Variants in MGLL observed in about 807,000 individuals in gnomAD.
MGLL encodes monoglyceride lipase.
Under a neutral mutation model 29.1 loss-of-function variants are expected in MGLL, and 7 were observed. That is an observed-to-expected ratio of 0.24 (90% CI 0.14 to 0.45). MGLL has a LOEUF of 0.45. Ranked by LOEUF, MGLL falls within the 20% of genes least tolerant of loss-of-function variation. The pLI, the probability that MGLL is intolerant of heterozygous loss-of-function variation, is 0.99. For synonymous variants in MGLL, 148 were observed against 168.3 expected (o/e 0.88, Z 0.93); for missense variants, 356 against 413.6 (o/e 0.86, Z 1.21).
At position 127,692,287 on chromosome 3, in the gene MGLL, G is replaced by T. The variant is rs1165137047; in HGVS notation, c.853C>A (p.Leu285Ile). The change falls in exon 8 of 8, where the codon CTT (leucine) becomes ATT (isoleucine). Residue 285 changes from leucine to isoleucine, a missense_variant. Transcript: ENST00000265052. ...EGAYHVLHKE[L>I]PEVTNSVFHE... ...AAGACGGAGTTGGTGACTTCAGGAA[G>T]CTCCTTGTGGAGAACATGGTAGGCA... is the stretch of plus-strand genomic sequence containing the variant. The T allele has an allele frequency of 5.0e-6, 8 of 1,613,986 alleles. No individual in the cohort carries two copies. The highest frequency in any genetic ancestry group is 2.7e-5 in the African/African-American group (2 of 75,020).
intron 2 of MGLL, 100 bp from the exon 3 acceptor site, chr3:127,781,995 C>A (rs534184727): frequency 1.7e-5 from 18 of 1,082,568 alleles, no homozygotes; most frequent in Non-Finnish European, 2.5e-5. Flanking sequence ...CCGGGGCGGG[C>A]GGATTGCCTG....
intron 2 of MGLL, among the ~76,000 whole-genome samples, chr3:127,783,143 CAAAAA>C (rs72041528): frequency 4.7e-5 from 3 of 63,930 alleles, no homozygotes; most frequent in South Asian, 1.0e-3. Context: ...GACTCTGTCT[CAAAAA>C]AAAAAAAAAA....
At chr3:127,758,834 G>C (rs958883639) in intron 3 of MGLL, among the ~76,000 whole-genome samples, 1 of 151,936 alleles carries the variant, frequency 6.6e-6, no homozygotes, top group Non-Finnish European at 1.5e-5. Flanking sequence ...TGCACTGGCT[G>C]TAAGTTGTAA....
At chr3:127,747,353 A>C (rs2076467281) in intron 3 of MGLL, among the ~76,000 whole-genome samples, 1 of 149,984 alleles carries the variant, frequency 6.7e-6, no homozygotes, top group East Asian at 2.0e-4. Context: ...CCCTAGAAAA[A>C]CCCCCAGCCT....
At chr3:127,822,070 G>A in intron 1 of MGLL, 1 of 649,854 alleles carries the variant, frequency 1.5e-6, no homozygotes, top group Non-Finnish European at 2.6e-6. Context: ...CCTCATTACA[G>A]TTTTTCCCCC....
At chr3:127,708,353 T>G (rs558918125) in intron 6 of MGLL, among the ~76,000 whole-genome samples, 16 of 152,288 alleles carry the variant, frequency 1.1e-4, no homozygotes, top group Middle Eastern at 3.4e-3. Context: ...GGGACATTTA[T>G]TAGTGTTTCT....
chr3:127,766,256 C>G (rs527501015), intron 3 of MGLL, among the ~76,000 whole-genome samples: 1 of 152,256 alleles, frequency 6.6e-6, no homozygotes, highest in South Asian at 2.1e-4. Flanking sequence ...TCCATGGATT[C>G]CTGAGGCAGT....
intron 2 of MGLL, among the ~76,000 whole-genome samples, chr3:127,805,062 C>A (rs2077542148): frequency 6.6e-6 from 1 of 152,178 alleles, no homozygotes; most frequent in Admixed American, 6.5e-5. Context: ...GATTGTGGAC[C>A]TGGATAAAAT....
At position 127,691,204 on chromosome 3, in the gene MGLL, C is replaced by G. The variant is rs1231437230; in HGVS notation, c.*994G>C. On this transcript the variant is annotated 3_prime_UTR_variant, in exon 8 of 8. Coordinates refer to ENST00000265052, the MANE Select transcript of MGLL (RefSeq NM_007283.7). Reference sequence around the variant, plus strand: ...ACTGGGCCTTGCCCATAGGAAAGGCCCAGCCAAGTCCCCTCTCGGGGGCTG... The same window carrying G: ...ACTGGGCCTTGCCCATAGGAAAGGCGCAGCCAAGTCCCCTCTCGGGGGCTG... 6.6e-6 allele frequency: 1 copy of G among 152,638 alleles called. No individual in the cohort carries two copies. Among genetic ancestry groups the G allele is most frequent in the Non-Finnish European group, 1.5e-5 (1 of 68,150 alleles). The allele number at this position is 152,638 out of a possible 1,614,324, so 9.5% of individuals were successfully genotyped here.
At chr3:127,812,276 A>G (rs2077675811) in intron 2 of MGLL, among the ~76,000 whole-genome samples, 1 of 152,150 alleles carries the variant, frequency 6.6e-6, no homozygotes, top group African/African-American at 2.4e-5. Context: ...TTCCACATAA[A>G]AGAAAAGTGT....
intron 2 of MGLL, among the ~76,000 whole-genome samples, chr3:127,793,502 C>G (rs1215743703): frequency 6.6e-6 from 1 of 152,208 alleles, no homozygotes; most frequent in Non-Finnish European, 1.5e-5. Context: ...CCCACGGAAT[C>G]TTTTCAGATG....
At chr3:127,710,701 A>C (rs760133851) in intron 5 of MGLL, 36 bp from the exon 6 acceptor site, 1 of 1,500,716 alleles carries the variant, frequency 6.7e-7, no homozygotes, top group Non-Finnish European at 9.1e-7. Flanking sequence ...TGTGAGCACA[A>C]GTGGCATCCA....
rs1559926067 is a variant in MGLL at position 127,726,140 on chromosome 3, GAAA to G, written c.263-3577_263-3575del. The stretch of plus-strand genomic sequence containing the variant: ...AGCAGGAAAGAAAGAAAGAAAGAAA[GAAA>G]GAAAGAAAGAAAGAAAGAAAGAAAG... On this transcript the variant is annotated intron_variant, in intron 3 of 7. Transcript: ENST00000265052. 3.1e-4 allele frequency among the ~76,000 whole-genome samples: 7 copies of G among 22,456 alleles called. No homozygotes were observed. The East Asian group carries it at 5.5e-3, about 18-fold the overall frequency. 14.7% of individuals were successfully genotyped at this position (22,456 alleles called of 152,430 possible).
chr3:127,804,040 T>G (rs1224385129), intron 2 of MGLL, among the ~76,000 whole-genome samples: 5 of 152,152 alleles, frequency 3.3e-5, no homozygotes, highest in Non-Finnish European at 5.9e-5. Context: ...TAAAATTTCC[T>G]CTTAAAATAG....
intron 3 of MGLL, among the ~76,000 whole-genome samples, chr3:127,744,073 A>G (rs1293277096): frequency 6.6e-6 from 1 of 152,186 alleles, no homozygotes; most frequent in Non-Finnish European, 1.5e-5. Flanking sequence ...AAAAGGTATA[A>G]AGATGCCAGA....
chr3:127,732,127 G>A (rs1160822135), intron 3 of MGLL, among the ~76,000 whole-genome samples: 1 of 152,114 alleles, frequency 6.6e-6, no homozygotes, highest in Non-Finnish European at 1.5e-5. Flanking sequence ...AGGGAACCAG[G>A]CTTTCTTAGC....
intron 3 of MGLL, among the ~76,000 whole-genome samples, chr3:127,725,126 A>C (rs1282404121): frequency 6.6e-6 from 1 of 151,258 alleles, no homozygotes; most frequent in Non-Finnish European, 1.5e-5. Flanking sequence ...AGCTGAGTCC[A>C]CCCCAGTAAG....
At chr3:127,703,097 G>C (rs1476955309) in intron 6 of MGLL, among the ~76,000 whole-genome samples, 2 of 152,150 alleles carry the variant, frequency 1.3e-5, no homozygotes, top group Non-Finnish European at 2.9e-5. Flanking sequence ...CCCCACCACT[G>C]TCTCCTCCCC....
At chr3:127,777,651 C>T (rs148979244) in intron 3 of MGLL, among the ~76,000 whole-genome samples, 2 of 129,918 alleles carry the variant, frequency 1.5e-5, no homozygotes, top group Non-Finnish European at 3.5e-5. Flanking sequence ...GAGCAAACTA[C>T]AGATGGAACC....
Sources: allele counts gnomAD v4.1 joint callset (sites outside exome capture counted in the v4.1 genomes callset), GRCh38; gene constraint gnomAD v4.1.1; transcripts MANE v1.5; gene names NCBI Gene and HGNC (gene_info 2026-07-23, HGNC 2026-07-21).